Variants in TMEM71 observed in about 807,000 individuals in gnomAD.
TMEM71 encodes transmembrane protein 71.
In TMEM71, 44 loss-of-function variants were observed where a neutral mutation model predicts 38.0. The observed-to-expected ratio is 1.16, with a 90% CI of 0.91 to 1.49. The LOEUF (loss-of-function observed/expected upper bound fraction) is 1.49, where lower values mean the gene tolerates loss of function less well. Ranked by LOEUF, TMEM71 falls within the 40% of genes most tolerant of loss-of-function variation. The probability of loss-of-function intolerance (pLI) is 0.00; values close to 1 mark genes in which losing one functional copy is unlikely to be tolerated. For missense variants in TMEM71, 367 were observed against 348.6 expected, an observed-to-expected ratio of 1.05 and a Z score of -0.42; for synonymous variants, 133 against 122.5, an observed-to-expected ratio of 1.09 and a Z score of -0.56.
At chr8:132,773,309 G>A in the TMEM71 span, among the ~76,000 whole-genome samples, 6 of 152,148 alleles carry the variant, frequency 3.9e-5, no homozygotes, top group Non-Finnish European at 8.8e-5. Context: ...GGATTACTAA[G>A]CCTATACAAT....
chr8:132,717,779 C>T (rs752950596), intron 7 of TMEM71, among the ~76,000 whole-genome samples: 10 of 152,094 alleles, frequency 6.6e-5, no homozygotes, highest in Non-Finnish European at 1.5e-4. Context: ...TATGTCCATA[C>T]AAAACTTGTG....
chr8:132,754,270 T>A (rs1273210755), intron 3 of TMEM71, among the ~76,000 whole-genome samples: 1 of 152,160 alleles, frequency 6.6e-6, no homozygotes, highest in Admixed American at 6.5e-5. Flanking sequence ...AAATAGACTA[T>A]CAAGTCTATG....
chr8:132,756,403 C>CAT (rs1554619984), intron 3 of TMEM71, among the ~76,000 whole-genome samples: 11,143 of 94,786 alleles, frequency 0.12, 650 homozygotes, highest in Middle Eastern at 0.17. Flanking sequence ...TTGACACTAA[C>CAT]ATATATATTA....
chr8:132,742,343 C>A (rs1828090830), intron 5 of TMEM71, among the ~76,000 whole-genome samples: 1 of 152,198 alleles, frequency 6.6e-6, no homozygotes, highest in Non-Finnish European at 1.5e-5. Flanking sequence ...CCACTGCACT[C>A]CAGCCTGGGT....
intron 7 of TMEM71, among the ~76,000 whole-genome samples, chr8:132,715,135 C>T (rs903373851): frequency 7.9e-5 from 12 of 151,872 alleles, no homozygotes; most frequent in South Asian, 2.1e-4. Context: ...CAGCAGGGCG[C>T]GGTGCTCATG....
chr8:132,743,445 T>C (rs886963351), intron 5 of TMEM71, among the ~76,000 whole-genome samples: 4 of 152,158 alleles, frequency 2.6e-5, no homozygotes, highest in African/African-American at 2.4e-5. Flanking sequence ...CATTGCTGAG[T>C]ACTCCCACCT....
chr8:132,727,984 C>T lies in TMEM71; in HGVS notation c.490G>A (p.Asp164Asn), dbSNP rs1827245226. The T allele has an allele frequency of 2.5e-6, 4 of 1,607,536 alleles. No homozygotes were observed. The change falls in exon 6 of 10, where the codon GAT becomes AAT. Residue 164 changes from aspartate to asparagine, a missense_variant and splice_region_variant. Transcript: ENST00000677595. ...GTCAGAGAAGAACAGTCTAAATCAT[C>T]TGCTGAAAAAGCAGAGGGGTTCAGT... Reference protein sequence around the residue: ...LDTDHCNGNADDLDCSSLTDD... With the variant: ...LDTDHCNGNANDLDCSSLTDD...
chr8:132,757,642 G>A (rs1829099734), intron 2 of TMEM71, among the ~76,000 whole-genome samples: 1 of 151,868 alleles, frequency 6.6e-6, no homozygotes, highest in African/African-American at 2.4e-5. Context: ...TGGCTAACAC[G>A]GTGACACCCC....
At chr8:132,734,575 A>C (rs554601111) in intron 5 of TMEM71, among the ~76,000 whole-genome samples, 13 of 152,306 alleles carry the variant, frequency 8.5e-5, no homozygotes, top group Non-Finnish European at 1.8e-4. Context: ...TATGTAGAAT[A>C]CTGGAAATTG....
At chr8:132,736,818 G>A (rs1474686694) in intron 5 of TMEM71, among the ~76,000 whole-genome samples, 2 of 113,166 alleles carry the variant, frequency 1.8e-5, no homozygotes, top group Non-Finnish European at 3.9e-5. Context: ...GCAACAGAGT[G>A]AGACTCTGTC....
chr8:132,743,241 A>T (rs1828147753), intron 5 of TMEM71, among the ~76,000 whole-genome samples: 1 of 151,756 alleles, frequency 6.6e-6, no homozygotes, highest in African/African-American at 2.4e-5. Context: ...ACCCTCCTTC[A>T]CCTCTCCCTT....
chr8:132,762,365 T>C (rs1190113263), upstream of TMEM71, among the ~76,000 whole-genome samples: 1 of 152,232 alleles, frequency 6.6e-6, no homozygotes, highest in Admixed American at 6.5e-5. Context: ...AGCCTTGGCT[T>C]ATCTCTTCTA....
intron 7 of TMEM71, among the ~76,000 whole-genome samples, chr8:132,716,831 T>C (rs1231953320): frequency 1.3e-5 from 2 of 152,212 alleles, no homozygotes; most frequent in Non-Finnish European, 2.9e-5. Flanking sequence ...TTACTACATC[T>C]ATCTCTATGG....
At chr8:132,755,379 T>C (rs1828946040) in intron 3 of TMEM71, among the ~76,000 whole-genome samples, 1 of 152,232 alleles carries the variant, frequency 6.6e-6, no homozygotes, top group Non-Finnish European at 1.5e-5. Context: ...TCTTGCTTCA[T>C]TCTGCTCTAA....
intron 5 of TMEM71, among the ~76,000 whole-genome samples, chr8:132,741,256 G>A (rs562600465): frequency 1.7e-4 from 26 of 152,262 alleles, no homozygotes; most frequent in South Asian, 6.2e-4. Context: ...CCAGCTACTC[G>A]GGAGGCTGAG....
chr8:132,743,197 C>A (rs113906483), intron 5 of TMEM71, among the ~76,000 whole-genome samples: 1 of 152,072 alleles, frequency 6.6e-6, no homozygotes, highest in Non-Finnish European at 1.5e-5. Context: ...GAAGAAGAGC[C>A]GCAGGGACTC....
intron 5 of TMEM71, among the ~76,000 whole-genome samples, chr8:132,739,342 C>T (rs1827916352): frequency 6.6e-6 from 1 of 152,106 alleles, no homozygotes; most frequent in South Asian, 2.1e-4. Flanking sequence ...GATGGAGTCT[C>T]GCTCTGTCAC....
intron 5 of TMEM71, among the ~76,000 whole-genome samples, chr8:132,739,941 C>A (rs978055363): frequency 1.6e-4 from 25 of 152,194 alleles, no homozygotes; most frequent in African/African-American, 5.6e-4. Flanking sequence ...TTATCTCCCA[C>A]CTGAATCACA....
upstream of TMEM71, among the ~76,000 whole-genome samples, chr8:132,763,024 C>A (rs1454013217): frequency 6.6e-6 from 1 of 152,184 alleles, no homozygotes. Context: ...CACTCATCTT[C>A]TTCTTGTTTC....
Sources: gnomAD v4.1 joint callset for allele counts (sites outside exome capture counted in the v4.1 genomes callset) on GRCh38, gnomAD v4.1.1 for gene constraint, MANE v1.5 for transcripts, NCBI Gene and HGNC (gene_info 2026-07-23, HGNC 2026-07-21) for gene names.